Variants in PDCD11 observed in about 807,000 individuals in gnomAD.
PDCD11 encodes protein RRP5 homolog.
Under a neutral mutation model 198.9 loss-of-function variants are expected in PDCD11, and 97 were observed. The ratio of observed to expected loss-of-function variants is 0.49; its 90% CI spans 0.41 to 0.58. PDCD11 has a LOEUF of 0.58. PDCD11 is among the 20% of genes least tolerant of loss of function. The pLI is 0.00. For synonymous variants in PDCD11, 893 were observed against 918.0 expected (o/e 0.97, Z 0.49); for missense variants, 2,102 against 2,312.7 (o/e 0.91, Z 1.87).
intron 3 of PDCD11, among the ~76,000 whole-genome samples, chr10:103,402,727 C>G (rs2030184496): frequency 6.6e-6 from 1 of 151,622 alleles, no homozygotes; most frequent in South Asian, 2.1e-4. Flanking sequence ...GCATGAGCCA[C>G]TGTACCCGGC....
Position 103,417,937 on chromosome 10 carries a change from G to A in PDCD11, c.1911+5G>A, listed in dbSNP as rs753775529. ...AAAGCCATTAACATTGGGCAGGTAC[G>A]TGGACTTCTCTGGACAAGCTATTTT... On this transcript the variant is annotated splice_donor_5th_base_variant and intron_variant, in intron 14 of 35. Transcript: ENST00000369797. 1.4e-5 allele frequency: 23 copies of A among 1,613,876 alleles called. No homozygotes were observed. Among genetic ancestry groups the A allele is most frequent in the Non-Finnish European group, 1.2e-5 (14 of 1,179,924 alleles).
Position 103,418,557 on chromosome 10 carries a change from C to T in PDCD11, c.2029C>T (p.Pro677Ser). ...TCTGTCGGACCACGTTGCCAACGGC[C>T]CATTGTTACATCATTGGCTCCAGGC... is the stretch of plus-strand genomic sequence containing the variant. Reference protein sequence around the residue: ...SHLSDHVANGPLLHHWLQAGD... With the variant: ...SHLSDHVANGSLLHHWLQAGD... The change falls in exon 15 of 36, where the codon CCA becomes TCA. Residue 677 changes from proline (P) to serine (S), a missense_variant. Physicochemically the swap from Pro to Ser is moderately conservative, Grantham distance 74. Coordinates refer to ENST00000369797, the MANE Select transcript of PDCD11 (RefSeq NM_014976.2). The T allele has an allele frequency of 6.2e-7, 1 of 1,614,140 alleles. No homozygotes were observed. The highest frequency in any genetic ancestry group is 1.1e-5 in the South Asian group (1 of 91,088).
chr10:103,415,257 G>T, intron 12 of PDCD11, 106 bp downstream of exon 12: 1 of 1,124,254 alleles, frequency 8.9e-7, no homozygotes, highest in Non-Finnish European at 1.3e-6. Flanking sequence ...AATGTCTGTA[G>T]TGTGTCTTGT....
rs537034314 is a variant in PDCD11, at chr10:103,445,620, C to T, written c.*71C>T. On this transcript the variant is annotated 3_prime_UTR_variant, in exon 36 of 36. Transcript: ENST00000369797. ...GCCCCGCCTCGAGTGCCTGGGCACT[C>T]GGAAAACTGTTACCTCAGGACTCTA... The T allele has an allele frequency of 1.4e-5, 18 of 1,332,756 alleles. No homozygotes were observed. The Admixed American group carries it at 1.5e-4, about 11-fold the overall frequency. 82.6% of individuals were successfully genotyped at this position (1,332,756 alleles called of 1,614,324 possible). A position where few individuals can be genotyped will look rare whatever the true frequency, so the allele number is the denominator to read the frequency against.
intron 3 of PDCD11, among the ~76,000 whole-genome samples, chr10:103,400,794 C>T (rs1279834622): frequency 6.6e-6 from 1 of 152,126 alleles, no homozygotes; most frequent in East Asian, 1.9e-4. Context: ...CTCTGTTGCT[C>T]AGGCTGGAAT....
chr10:103,422,172 C>T (rs1279669037), intron 17 of PDCD11, among the ~76,000 whole-genome samples: 2 of 150,648 alleles, frequency 1.3e-5, no homozygotes, highest in African/African-American at 2.4e-5. Flanking sequence ...CTTCCACCCC[C>T]CAGGTTCAAG....
Position 103,421,473 on chromosome 10 carries a change from C to A in PDCD11, c.2403C>A (p.Asp801Glu). 6.2e-7 allele frequency: 1 copy of A among 1,601,364 alleles called. No homozygotes were observed. The highest frequency in any genetic ancestry group is 8.5e-7 in the Non-Finnish European group (1 of 1,173,940). Residue 801 changes from aspartate to glutamate, a missense_variant, in exon 17 of 36, where the codon GAC becomes GAA. Physicochemically the swap from Asp to Glu is conservative, Grantham distance 45. Coordinates refer to ENST00000369797, the MANE Select transcript of PDCD11 (RefSeq NM_014976.2). ...TGCTGCTGTCACTGCGGCTGTCGGA[C>A]TGTGGTCTGGGGGACTTGGCTATCA... ...QRMLLSLRLS[D>E]CGLGDLAITS... is the part of the protein sequence containing the mutation.
chr10:103,423,948 C>CT lies in PDCD11; in HGVS notation c.2763+291dup, dbSNP rs1172463477. Among the ~76,000 whole-genome samples the CT allele has an allele frequency of 4.6e-5, 7 of 152,278 alleles. 1 individual carries two copies. Among genetic ancestry groups the CT allele is most frequent in the Admixed American group, 3.3e-4 (5 of 15,296 alleles). ...GGTAGGGAGTGGCTGGCCTGGGACT[C>CT]TGACGAGCTGGAGAGTGCATGCCCA... On this transcript the variant is annotated intron_variant, in intron 19 of 35. Coordinates refer to ENST00000369797, the MANE Select transcript of PDCD11 (RefSeq NM_014976.2).
Position 103,413,278 on chromosome 10 carries a change from G to A in PDCD11, c.1141G>A (p.Gly381Arg). 6.2e-7 allele frequency: 1 copy of A among 1,614,176 alleles called. No individual in the cohort carries two copies. Among genetic ancestry groups the A allele is most frequent in the Non-Finnish European group, 8.5e-7 (1 of 1,180,032 alleles). The part of the protein sequence containing the change: ...VPVQGFFKKA[G>R]ATFRLKDGVL... ...TGTCCAGGGTTTTTTCAAAAAGGCT[G>A]GGGCCACCTTTAGGCTGAAGGATGG... Residue 381 changes from glycine (G) to arginine (R), a missense_variant, in exon 9 of 36, where the codon GGG becomes AGG. Coordinates refer to ENST00000369797, the MANE Select transcript of PDCD11 (RefSeq NM_014976.2).
intron 8 of PDCD11, among the ~76,000 whole-genome samples, chr10:103,410,674 A>G (rs887371178): frequency 6.7e-6 from 1 of 149,890 alleles, no homozygotes; most frequent in Non-Finnish European, 1.5e-5. Context: ...AGTGGCGCAA[A>G]CACGGCTCAC....
Position 103,425,301 on chromosome 10 carries a change from C to G in PDCD11, c.3081C>G (p.Thr1027=). The G allele has an allele frequency of 6.2e-7, 1 of 1,614,130 alleles. No homozygotes were observed. The highest frequency in any genetic ancestry group is 2.2e-5 in the East Asian group (1 of 44,876). Residue 1027 remains threonine, a synonymous_variant, in exon 20 of 36, where the codon ACC becomes ACG. Transcript: ENST00000369797. ...EEVDPALTVG[T]IKKHTLSIGD... is the part of the protein sequence containing the mutation. Reference sequence around the variant, plus strand: ...TGGATCCAGCTCTGACTGTAGGGACCATAAAGAAGCACACCCTCTCCATCG... The same window carrying G: ...TGGATCCAGCTCTGACTGTAGGGACGATAAAGAAGCACACCCTCTCCATCG...
rs1288645215 is a variant in PDCD11 at position 103,440,327 on chromosome 10, C to T, written c.4186C>T (p.Leu1396Phe). The change falls in exon 29 of 36, where the codon CTC becomes TTC. Residue 1396 changes from leucine (L) to phenylalanine (F), a missense_variant. Physicochemically the swap from Leu to Phe is conservative, Grantham distance 22 (BLOSUM62 0). Transcript: ENST00000369797. The part of the protein sequence containing the change: ...HQKNLVELSF[L>F]PGDTGKPDVL... Reference sequence around the variant, plus strand: ...GAAGAACCTGGTAGAGCTGTCTTTCCTCCCCGGAGACACTGGGAAGCCAGA... The same window carrying T: ...GAAGAACCTGGTAGAGCTGTCTTTCTTCCCCGGAGACACTGGGAAGCCAGA... 6.2e-7 allele frequency: 1 copy of T among 1,614,116 alleles called. No individual in the cohort carries two copies. Among genetic ancestry groups the T allele is most frequent in the Admixed American group, 1.7e-5 (1 of 60,012 alleles).
At chr10:103,427,873 G>C (rs936566783) in intron 21 of PDCD11, among the ~76,000 whole-genome samples, 21 of 152,158 alleles carry the variant, frequency 1.4e-4, no homozygotes, top group Admixed American at 1.4e-3. Context: ...AAAGAACCCA[G>C]CCTCTCAGAT....
rs768306553 is a variant in PDCD11 at position 103,445,604 on chromosome 10, C to T, written c.*55C>T. ...ACAATGGGCCAGCCCGGCCCCGCCT[C>T]GAGTGCCTGGGCACTCGGAAAACTG... On this transcript the variant is annotated 3_prime_UTR_variant, in exon 36 of 36. Coordinates refer to ENST00000369797, the MANE Select transcript of PDCD11 (RefSeq NM_014976.2). 2.3e-5 allele frequency: 35 copies of T among 1,522,528 alleles called. No homozygotes were observed. Among genetic ancestry groups the T allele is most frequent in the African/African-American group, 8.3e-5 (6 of 72,610 alleles). The allele number at this position is 1,522,528 out of a possible 1,614,324, so 94.3% of individuals were successfully genotyped here. A position where few individuals can be genotyped will look rare whatever the true frequency, so the allele number is the denominator to read the frequency against.
intron 25 of PDCD11, among the ~76,000 whole-genome samples, chr10:103,435,424 A>G (rs1396021547): frequency 6.6e-6 from 1 of 151,762 alleles, no homozygotes; most frequent in African/African-American, 2.4e-5. Context: ...TTGTACATAT[A>G]TTTGGGTTTT....
chr10:103,421,625 T>G lies in PDCD11; in HGVS notation c.2497+58T>G. 4 of 1,359,088 alleles carry G rather than the reference T, an allele frequency of 2.9e-6. No homozygotes were observed. In the South Asian group the frequency reaches 5.0e-5, roughly 17 times the overall value. 84.2% of individuals were successfully genotyped at this position (1,359,088 alleles called of 1,614,324 possible). A position where few individuals can be genotyped will look rare whatever the true frequency, so the allele number is the denominator to read the frequency against. On this transcript the variant is annotated intron_variant, in intron 17 of 35. Transcript: ENST00000369797. The stretch of plus-strand genomic sequence containing the variant: ...AGGGGTGGGAGTATGTGTTGTAAAT[T>G]ACACCTGTTGTTAGGTGAGTTGTTG...
intron 30 of PDCD11, among the ~76,000 whole-genome samples, chr10:103,441,388 GC>G (rs1238036692): frequency 6.6e-6 from 1 of 152,164 alleles, no homozygotes; most frequent in Non-Finnish European, 1.5e-5. Flanking sequence ...CTCCCGAGTA[GC>G]TGAGACTGCC....
At chr10:103,421,607 G>A in intron 17 of PDCD11, 40 bp downstream of exon 17, 1 of 1,446,768 alleles carries the variant, frequency 6.9e-7, no homozygotes, top group Non-Finnish European at 9.5e-7. Flanking sequence ...GCCAGGGGTG[G>A]GAGTATGTGT....
At chr10:103,440,610 C>T in intron 29 of PDCD11, 29 bp downstream of exon 29, 1 of 1,608,502 alleles carries the variant, frequency 6.2e-7, no homozygotes, top group Non-Finnish European at 8.5e-7. Flanking sequence ...CTGTGGCTGC[C>T]TATCCTCCTC....
Sources: allele counts gnomAD v4.1 joint callset (sites outside exome capture counted in the v4.1 genomes callset), GRCh38; gene constraint gnomAD v4.1.1; transcripts MANE v1.5; gene names NCBI Gene and HGNC (gene_info 2026-07-23, HGNC 2026-07-21).